Variants in MAF observed in about 807,000 individuals in gnomAD.
The protein encoded by MAF is MAF bZIP transcription factor, also known as transcription factor Maf.
MAF carries 10 observed loss-of-function variants against 22.0 expected under a neutral mutation model. That is an observed-to-expected ratio of 0.45 (90% CI 0.28 to 0.77). The LOEUF (loss-of-function observed/expected upper bound fraction) is 0.77, where lower values mean the gene tolerates loss of function less well. Ranked by LOEUF, MAF falls within the 30% of genes least tolerant of loss-of-function variation. MAF has a pLI of 0.12. For synonymous variants in MAF, 337 were observed against 255.8 expected (o/e 1.32, Z -3.03); for missense variants, 544 against 548.4 (o/e 0.99, Z 0.08).
the MAF span, among the ~76,000 whole-genome samples, chr16:79,454,876 C>A: frequency 3.3e-5 from 5 of 150,566 alleles, no homozygotes; most frequent in African/African-American, 1.2e-4. Context: ...GCAGGTGGAT[C>A]ACCTGAGGTC....
chr16:79,587,825 C>T (rs1465194703), intron 1 of MAF, among the ~76,000 whole-genome samples: 1 of 148,844 alleles, frequency 6.7e-6, no homozygotes, highest in Non-Finnish European at 1.5e-5. Context: ...TACTCTCTGG[C>T]CATCTGGGGA....
At chr16:79,537,571 CT>C in the MAF span, among the ~76,000 whole-genome samples, 24 of 152,164 alleles carry the variant, frequency 1.6e-4, no homozygotes, top group African/African-American at 4.6e-4. Flanking sequence ...GAGGATGTTA[CT>C]TTGCCTAGAA....
chr16:79,360,432 C>A, the MAF span, among the ~76,000 whole-genome samples: 1 of 152,170 alleles, frequency 6.6e-6, no homozygotes, highest in Admixed American at 6.5e-5. Context: ...CCAGCTCTAC[C>A]ACTCATGAGT....
chr16:79,558,878 G>A, the MAF span, among the ~76,000 whole-genome samples: 3 of 152,196 alleles, frequency 2.0e-5, no homozygotes, highest in African/African-American at 7.2e-5. Flanking sequence ...TTTGAGAGAT[G>A]ATCACAGGCT....
At chr16:79,360,989 G>A in the MAF span, among the ~76,000 whole-genome samples, 31 of 152,256 alleles carry the variant, frequency 2.0e-4, no homozygotes, top group Admixed American at 8.5e-4. Flanking sequence ...CAAAAGCTAC[G>A]AATCAAGACT....
chr16:79,414,247 A>T, the MAF span, among the ~76,000 whole-genome samples: 4 of 152,168 alleles, frequency 2.6e-5, no homozygotes, highest in Non-Finnish European at 5.9e-5. Context: ...CAAAGAAAAG[A>T]GATTTATTTG....
At chr16:79,558,201 G>A in the MAF span, among the ~76,000 whole-genome samples, 1 of 152,166 alleles carries the variant, frequency 6.6e-6, no homozygotes, top group Non-Finnish European at 1.5e-5. Flanking sequence ...GTTGGAAACA[G>A]CCGGAAAGAG....
the MAF span, among the ~76,000 whole-genome samples, chr16:79,387,007 C>G: frequency 6.6e-6 from 1 of 152,168 alleles, no homozygotes; most frequent in Admixed American, 6.5e-5. Context: ...TAACTATACC[C>G]CAAGGCTTCC....
chr16:79,367,913 A>C, the MAF span, among the ~76,000 whole-genome samples: 1 of 152,228 alleles, frequency 6.6e-6, no homozygotes, highest in Admixed American at 6.5e-5. Flanking sequence ...GCTCTGCCAG[A>C]GGAGAAATGC....
chr16:79,401,723 A>G, the MAF span, among the ~76,000 whole-genome samples: 1 of 152,214 alleles, frequency 6.6e-6, no homozygotes, highest in Non-Finnish European at 1.5e-5. Context: ...TACGCAGAAT[A>G]CGGAGACCAG....
chr16:79,313,003 A>T, the MAF span, among the ~76,000 whole-genome samples: 1 of 152,228 alleles, frequency 6.6e-6, no homozygotes, highest in Non-Finnish European at 1.5e-5. Flanking sequence ...TGCAATTAAA[A>T]GCATGGGCTT....
At chr16:79,502,708 A>AATAAATAAATATAT in the MAF span, among the ~76,000 whole-genome samples, 1 of 34,008 alleles carries the variant, frequency 2.9e-5, no homozygotes, top group African/African-American at 9.0e-5. Flanking sequence ...TATAAATATA[A>AATAAATAAATATAT]ATATATATAT....
At chr16:79,458,911 A>G in the MAF span, among the ~76,000 whole-genome samples, 1 of 152,212 alleles carries the variant, frequency 6.6e-6, no homozygotes, top group Non-Finnish European at 1.5e-5. Flanking sequence ...TAAACAAGCT[A>G]CAGGAAAATG....
At chr16:79,354,923 A>C in the MAF span, among the ~76,000 whole-genome samples, 1 of 152,202 alleles carries the variant, frequency 6.6e-6, no homozygotes, top group Non-Finnish European at 1.5e-5. Context: ...TAGAAGGAAA[A>C]AATAAGTGGG....
At chr16:79,330,811 A>G in the MAF span, among the ~76,000 whole-genome samples, 1 of 152,226 alleles carries the variant, frequency 6.6e-6, no homozygotes, top group Non-Finnish European at 1.5e-5. Context: ...GCTTGCAGAG[A>G]TGAAGGGACT....
chr16:79,456,712 G>A, the MAF span, among the ~76,000 whole-genome samples: 2 of 152,160 alleles, frequency 1.3e-5, no homozygotes, highest in Non-Finnish European at 2.9e-5. Flanking sequence ...TGCCTACCCA[G>A]TTCTTCACAC....
the MAF span, among the ~76,000 whole-genome samples, chr16:79,322,707 G>C: frequency 1.3e-5 from 2 of 152,018 alleles, no homozygotes; most frequent in Admixed American, 6.6e-5. Context: ...GATTCATCTA[G>C]CCGGGGTCAA....
the MAF span, among the ~76,000 whole-genome samples, chr16:79,378,757 T>C: frequency 6.6e-6 from 1 of 152,192 alleles, no homozygotes; most frequent in Non-Finnish European, 1.5e-5. Flanking sequence ...AGTGGGTATA[T>C]GCTAATAATT....
the MAF span, among the ~76,000 whole-genome samples, chr16:79,417,652 C>A: frequency 2.0e-5 from 3 of 152,168 alleles, no homozygotes; most frequent in Non-Finnish European, 4.4e-5. Context: ...TAGCCTGCTT[C>A]CCCTTCTTGG....
Sources: allele counts gnomAD v4.1 joint callset (sites outside exome capture counted in the v4.1 genomes callset), GRCh38; gene constraint gnomAD v4.1.1; transcripts MANE v1.5; gene names NCBI Gene and HGNC (gene_info 2026-07-23, HGNC 2026-07-21).